FHOD3: variants seen among roughly 807,000 people sequenced by gnomAD.
FHOD3 encodes the protein formin homology 2 domain containing 3.
Under a neutral mutation model 173.0 loss-of-function variants are expected in FHOD3, and 90 were observed. The observed-to-expected ratio is 0.52, with a 90% CI of 0.44 to 0.62. FHOD3 has a LOEUF of 0.62. FHOD3 is among the 20% of genes least tolerant of loss of function. The probability of loss-of-function intolerance (pLI) is 0.00; values close to 1 mark genes in which losing one functional copy is unlikely to be tolerated. For synonymous variants in FHOD3, 828 were observed against 823.0 expected (o/e 1.01, Z -0.10); for missense variants, 1,945 against 2,034.7 (o/e 0.96, Z 0.85).
At chr18:36,375,557 T>C (rs2047399554) in intron 3 of FHOD3, among the ~76,000 whole-genome samples, 1 of 152,206 alleles carries the variant, frequency 6.6e-6, no homozygotes, top group African/African-American at 2.4e-5. Flanking sequence ...TAGAGGAATG[T>C]TTAGAATCCA....
chr18:36,618,310 G>GTTTTTTTTTTTTTTTTTT (rs1465774220), intron 9 of FHOD3, among the ~76,000 whole-genome samples: 3 of 85,224 alleles, frequency 3.5e-5, no homozygotes, highest in Non-Finnish European at 2.3e-5. Flanking sequence ...GTTTTTTGGT[G>GTTTTTTTTTTTTTTTTTT]GTTTTTTTTT....
At chr18:36,669,017 C>T (rs1485351415) in intron 14 of FHOD3, among the ~76,000 whole-genome samples, 3 of 151,816 alleles carry the variant, frequency 2.0e-5, no homozygotes, top group Non-Finnish European at 2.9e-5. Context: ...TCTAGTATTC[C>T]GTATCCTTAG....
chr18:36,541,996 A>G (rs748156094), intron 5 of FHOD3, among the ~76,000 whole-genome samples: 3 of 152,196 alleles, frequency 2.0e-5, no homozygotes, highest in Non-Finnish European at 4.4e-5. Flanking sequence ...GCTCCCAGGA[A>G]ATATTCACCC....
At chr18:36,460,824 G>A (rs2052504827) in intron 3 of FHOD3, among the ~76,000 whole-genome samples, 1 of 152,152 alleles carries the variant, frequency 6.6e-6, no homozygotes, top group Non-Finnish European at 1.5e-5. Context: ...GAATACAGAG[G>A]TGCCTGTGAA....
At chr18:36,437,627 T>C (rs1270940422) in intron 3 of FHOD3, among the ~76,000 whole-genome samples, 1 of 151,634 alleles carries the variant, frequency 6.6e-6, no homozygotes. Flanking sequence ...ACACTAGTAG[T>C]TGGGAAGCAC....
At chr18:36,513,314 A>G (rs979087379) in intron 5 of FHOD3, among the ~76,000 whole-genome samples, 5 of 152,204 alleles carry the variant, frequency 3.3e-5, no homozygotes, top group African/African-American at 1.2e-4. Flanking sequence ...AATATTATCT[A>G]CATTTTCCAG....
intron 9 of FHOD3, among the ~76,000 whole-genome samples, chr18:36,614,967 C>T (rs1599880452): frequency 6.6e-6 from 1 of 151,148 alleles, no homozygotes; most frequent in East Asian, 2.0e-4. Flanking sequence ...TCCCCTGCCT[C>T]AGCCCCCTGA....
chr18:36,322,844 GGCA>G (rs2044469755), intron 1 of FHOD3, among the ~76,000 whole-genome samples: 1 of 152,096 alleles, frequency 6.6e-6, no homozygotes, highest in African/African-American at 2.4e-5. Flanking sequence ...TAACAGATCT[GGCA>G]TTAATTCACT....
intron 15 of FHOD3, among the ~76,000 whole-genome samples, chr18:36,682,791 A>G (rs2038341405): frequency 6.6e-6 from 1 of 152,142 alleles, no homozygotes; most frequent in African/African-American, 2.4e-5. Flanking sequence ...TGTGTTGGCC[A>G]GGCTGTTGAA....
At chr18:36,335,792 CT>C (rs1221686839) in intron 1 of FHOD3, among the ~76,000 whole-genome samples, 2 of 152,176 alleles carry the variant, frequency 1.3e-5, no homozygotes, top group Non-Finnish European at 2.9e-5. Context: ...TGCCCCTGTG[CT>C]GTGCTCCTCA....
chr18:36,745,445 G>A (rs139735084), intron 23 of FHOD3, among the ~76,000 whole-genome samples: 1 of 152,184 alleles, frequency 6.6e-6, no homozygotes, highest in East Asian at 1.9e-4. Context: ...CAGTACATAC[G>A]GTGTCTTGCA....
At chr18:36,637,624 C>T (rs750225403) in intron 10 of FHOD3, among the ~76,000 whole-genome samples, 2 of 152,150 alleles carry the variant, frequency 1.3e-5, no homozygotes, top group African/African-American at 2.4e-5. Context: ...ATGAACCTTA[C>T]AAAACATACA....
chr18:36,318,385 G>A (rs1221490060), intron 1 of FHOD3, among the ~76,000 whole-genome samples: 1 of 152,072 alleles, frequency 6.6e-6, no homozygotes, highest in Non-Finnish European at 1.5e-5. Flanking sequence ...ATTTGTTTGT[G>A]TACTCTTTTA....
chr18:36,625,617 G>A lies in FHOD3; in HGVS notation c.1064G>A (p.Arg355Gln), dbSNP rs561334570. ...SVCSSGGGEH[R>Q]GLDRRRSRRH... is the part of the protein sequence containing the mutation. Reference sequence around the variant, plus strand: ...TGTTCCAGTGGCGGAGGCGAGCACCGGGGCCTGGACCGCAGAAGGAGCCGC... The same window carrying A: ...TGTTCCAGTGGCGGAGGCGAGCACCAGGGCCTGGACCGCAGAAGGAGCCGC... Residue 355 changes from arginine (R) to glutamine (Q), a missense_variant, in exon 10 of 29, where the codon CGG becomes CAG. Arg to Gln is a conservative substitution (Grantham distance 43). Coordinates refer to ENST00000590592, the MANE Select transcript of FHOD3 (RefSeq NM_001281740.3). The A allele has an allele frequency of 1.4e-4, 217 of 1,592,040 alleles. 4 individuals carry two copies. The South Asian group carries it at 2.2e-3, about 16-fold the overall frequency.
intron 25 of FHOD3, among the ~76,000 whole-genome samples, chr18:36,757,250 T>G (rs1261424541): frequency 6.6e-6 from 1 of 152,212 alleles, no homozygotes; most frequent in Non-Finnish European, 1.5e-5. Flanking sequence ...CAGGATTCAT[T>G]CTCAGCCTAG....
intron 3 of FHOD3, among the ~76,000 whole-genome samples, chr18:36,498,261 G>A (rs1027257792): frequency 2.0e-5 from 3 of 152,032 alleles, no homozygotes; most frequent in Non-Finnish European, 4.4e-5. Context: ...GAAACAAGAC[G>A]GGTCTCAAAT....
chr18:36,737,829 GTTAT>G, intron 20 of FHOD3, among the ~76,000 whole-genome samples: 1 of 152,160 alleles, frequency 6.6e-6, no homozygotes, highest in Non-Finnish European at 1.5e-5. Context: ...TTCTCATTTT[GTTAT>G]TTATTTTTTT....
chr18:36,525,020 A>G (rs192999000), intron 5 of FHOD3, among the ~76,000 whole-genome samples: 149 of 152,338 alleles, frequency 9.8e-4, no homozygotes, highest in African/African-American at 3.4e-3. Flanking sequence ...AAATCCTGTG[A>G]TAGGCAGAAT....
intron 5 of FHOD3, among the ~76,000 whole-genome samples, chr18:36,533,464 C>T (rs990897503): frequency 6.6e-6 from 1 of 152,194 alleles, no homozygotes; most frequent in African/African-American, 2.4e-5. Context: ...AGCCCTTCTC[C>T]AAAAGTGCTT....
Sources: gnomAD v4.1 joint callset for allele counts (sites outside exome capture counted in the v4.1 genomes callset) on GRCh38, gnomAD v4.1.1 for gene constraint, MANE v1.5 for transcripts, NCBI Gene and HGNC (gene_info 2026-07-23, HGNC 2026-07-21) for gene names.